Variants in RFTN1 observed in about 807,000 individuals in gnomAD.
The protein encoded by RFTN1 is raftlin, lipid raft linker 1.
A neutral mutation model predicts 46.5 loss-of-function variants in RFTN1; 26 were observed. That is an observed-to-expected ratio of 0.56 (90% CI 0.41 to 0.78). The LOEUF (loss-of-function observed/expected upper bound fraction) is 0.78. Among genes scored for constraint, RFTN1 ranks in the 30% least tolerant of loss-of-function variants. The probability of loss-of-function intolerance (pLI) is 0.00; values close to 1 mark genes in which losing one functional copy is unlikely to be tolerated. For missense variants in RFTN1, 693 were observed against 718.7 expected (o/e 0.96, Z 0.41); for synonymous variants, 261 against 284.2 (o/e 0.92, Z 0.82).
chr3:16,444,738 T>C (rs1233133367), intron 2 of RFTN1, among the ~76,000 whole-genome samples: 1 of 152,268 alleles, frequency 6.6e-6, no homozygotes, highest in East Asian at 1.9e-4. Flanking sequence ...CCACCAAATT[T>C]GTTATTGGTT....
rs1268364896 is a variant in RFTN1, at chr3:16,361,674, G to C, written c.1031-3627C>G. 6.6e-6 allele frequency among the ~76,000 whole-genome samples: 1 copy of C among 152,194 alleles called. No individual in the cohort carries two copies. The highest frequency in any genetic ancestry group is 1.5e-5 in the Non-Finnish European group (1 of 68,034). On this transcript the variant is annotated intron_variant, in intron 6 of 9. Transcript: ENST00000334133. This position sits in a 1 kb window ranked among gnomAD's most constrained non-coding sequence, Gnocchi z 4.3. ...CAGAATCAGGAGAGAAGGTGGTTAA[G>C]ACTAAATTGACTGGTGGGGAGGCCA...
Position 16,320,767 on chromosome 3 carries a change from A to G in RFTN1, c.1332+2609T>C, listed in dbSNP as rs149495138. 3.9e-5 allele frequency among the ~76,000 whole-genome samples: 6 copies of G among 152,206 alleles called. No homozygotes were observed. Among genetic ancestry groups the G allele is most frequent in the Non-Finnish European group, 4.4e-5 (3 of 68,036 alleles). ...AGGCCACAGAGGAGCTGGAGGCCAC[A>G]GAGAATGGGAGGCTGGCAGAGGAGG... On this transcript the variant is annotated intron_variant, in intron 9 of 9. Transcript: ENST00000334133. The surrounding 1 kb of genome is among the most constrained non-coding windows in gnomAD (Gnocchi z 4.5).
Position 16,484,274 on chromosome 3 carries a change from T to G in RFTN1, c.145+9451A>C, listed in dbSNP as rs1233573385. ...AATGATTATCAGCTGCTTCTGTAGT[T>G]GTGTGTCAGACTAACACCCCCCAGA... is the stretch of plus-strand genomic sequence containing the variant. On this transcript the variant is annotated intron_variant, in intron 2 of 9. Coordinates refer to ENST00000334133, the MANE Select transcript of RFTN1 (RefSeq NM_015150.2). This position sits in a 1 kb window ranked among gnomAD's most constrained non-coding sequence, Gnocchi z 4.6. Among the ~76,000 whole-genome samples the G allele has an allele frequency of 6.6e-6, 1 of 152,214 alleles. No homozygotes were observed. The highest frequency in any genetic ancestry group is 1.5e-5 in the Non-Finnish European group (1 of 68,028).
intron 2 of RFTN1, among the ~76,000 whole-genome samples, chr3:16,488,240 T>C (rs919268652): frequency 2.0e-5 from 3 of 152,082 alleles, no homozygotes; most frequent in Admixed American, 1.3e-4. Context: ...GCTGGGATTA[T>C]AGGCATGTGC....
In RFTN1 at chr3:16,483,189, C is replaced by T. The variant is rs1047157332; in HGVS notation, c.145+10536G>A. Among the ~76,000 whole-genome samples, 1 of 152,172 alleles carries T rather than the reference C, an allele frequency of 6.6e-6. No individual in the cohort carries two copies. The highest frequency in any genetic ancestry group is 1.5e-5 in the Non-Finnish European group (1 of 68,034). ...TAATAAATACCTCATTAAGGAAAGG[C>T]AAAACAAACACTTCAGAGTACTTGA... On this transcript the variant is annotated intron_variant, in intron 2 of 9. Transcript: ENST00000334133. This position sits in a 1 kb window ranked among gnomAD's most constrained non-coding sequence, Gnocchi z 4.8.
At chr3:16,492,847 C>T (rs137938175) in intron 2 of RFTN1, among the ~76,000 whole-genome samples, 1 of 152,226 alleles carries the variant, frequency 6.6e-6, no homozygotes, top group Non-Finnish European at 1.5e-5. Context: ...GACTTCCCCC[C>T]CAACACTGGC....
chr3:16,334,080 G>T lies in RFTN1; in HGVS notation c.1147-7204C>A, dbSNP rs1212057512. On this transcript the variant is annotated intron_variant, in intron 7 of 9. Coordinates refer to ENST00000334133, the MANE Select transcript of RFTN1 (RefSeq NM_015150.2). The surrounding 1 kb of genome is among the most constrained non-coding windows in gnomAD (Gnocchi z 4.3). Reference sequence around the variant, plus strand: ...CTTGGGAGGCTGAGGCAGGAGAATGGCTTGAACCTAGGAGGCAGAAGCTGC... The same window carrying T: ...CTTGGGAGGCTGAGGCAGGAGAATGTCTTGAACCTAGGAGGCAGAAGCTGC... 6.6e-6 allele frequency among the ~76,000 whole-genome samples: 1 copy of T among 152,164 alleles called. No individual in the cohort carries two copies. The highest frequency in any genetic ancestry group is 1.5e-5 in the Non-Finnish European group (1 of 68,020).
At chr3:16,472,535 G>C (rs1167375126) in intron 2 of RFTN1, 1 of 152,212 alleles carries the variant, frequency 6.6e-6, no homozygotes, top group Non-Finnish European at 1.5e-5. Flanking sequence ...GAGCCCAAAG[G>C]GGTGCAGGAA....
rs1279611069 is a variant in RFTN1 at position 16,446,679 on chromosome 3, T to C, written c.146-12642A>G. ...AATAATAGGACAAAGACCATGGTTG[T>C]ATACAAGACAGTGACTGGAAATCTC... On this transcript the variant is annotated intron_variant, in intron 2 of 9. Transcript: ENST00000334133. This position sits in a 1 kb window ranked among gnomAD's most constrained non-coding sequence, Gnocchi z 4.5. 2.6e-5 allele frequency among the ~76,000 whole-genome samples: 4 copies of C among 152,160 alleles called. No homozygotes were observed. In the East Asian group the frequency reaches 5.8e-4, roughly 22 times the overall value.
chr3:16,470,230 G>GCA (rs200435969), intron 2 of RFTN1, among the ~76,000 whole-genome samples: 2,751 of 148,850 alleles, frequency 0.018, 52 homozygotes, highest in African/African-American at 0.036. Flanking sequence ...CTGCACACAC[G>GCA]CACACACACA....
chr3:16,439,426 G>A (rs2075579541), intron 2 of RFTN1, among the ~76,000 whole-genome samples: 1 of 152,108 alleles, frequency 6.6e-6, no homozygotes. Flanking sequence ...GTAACCTTGG[G>A]CAAGCTATAT....
rs79497780 is a variant in RFTN1 at position 16,421,676 on chromosome 3, G to T, written c.332+12175C>A. 7.2e-3 allele frequency among the ~76,000 whole-genome samples: 1,095 copies of T among 152,188 alleles called. 10 individuals carry two copies. The highest frequency in any genetic ancestry group is 8.0e-3 in the Non-Finnish European group (546 of 68,010). ...AACATTGGTGTTTTAATCTCATACT[G>T]CGTCCCACAAAGCTCTTATGGGCAG... On this transcript the variant is annotated intron_variant, in intron 3 of 9. Transcript: ENST00000334133. This position sits in a 1 kb window ranked among gnomAD's most constrained non-coding sequence, Gnocchi z 4.6.
rs2076918984 is a variant in RFTN1 at position 16,512,497 on chromosome 3, G to T, written c.-9+945C>A. Among the ~76,000 whole-genome samples, 1 of 151,970 alleles carries T rather than the reference G, an allele frequency of 6.6e-6. No homozygotes were observed. The highest frequency in any genetic ancestry group is 6.5e-5 in the Admixed American group (1 of 15,268). On this transcript the variant is annotated intron_variant, in intron 1 of 9. Coordinates refer to ENST00000334133, the MANE Select transcript of RFTN1 (RefSeq NM_015150.2). The surrounding 1 kb of genome is among the most constrained non-coding windows in gnomAD (Gnocchi z 4.3). ...ACTGACACCACCCAGCGTCCCTAGG[G>T]ATCACCCATAACCACACAGGGCAGC... is the stretch of plus-strand genomic sequence containing the variant.
rs1257000203 is a variant in RFTN1, at chr3:16,512,620, C to G, written c.-9+822G>C. Among the ~76,000 whole-genome samples the G allele has an allele frequency of 9.2e-5, 14 of 152,116 alleles. No individual in the cohort carries two copies. Among genetic ancestry groups the G allele is most frequent in the Admixed American group, 9.2e-4 (14 of 15,284 alleles). On this transcript the variant is annotated intron_variant, in intron 1 of 9. Transcript: ENST00000334133. The surrounding 1 kb of genome is among the most constrained non-coding windows in gnomAD (Gnocchi z 4.3). ...TTCTTGCTGCCAAAGGCAGCGACAC[C>G]GGAGGTGAAGGGCACCAGCCCTGGC...
At chr3:16,493,985 C>A (rs1246865711) in intron 1 of RFTN1, 108 bp from the exon 2 acceptor site, 2 of 1,214,570 alleles carry the variant, frequency 1.6e-6, no homozygotes, top group East Asian at 4.7e-5. Flanking sequence ...ACATGACAGA[C>A]CTCAGCCCTT....
In RFTN1 at chr3:16,473,490, T is replaced by G. The variant is rs1405036654; in HGVS notation, c.145+20235A>C. 6.7e-6 allele frequency among the ~76,000 whole-genome samples: 1 copy of G among 148,304 alleles called. No homozygotes were observed. The highest frequency in any genetic ancestry group is 6.7e-5 in the Admixed American group (1 of 14,960). On this transcript the variant is annotated intron_variant, in intron 2 of 9. Coordinates refer to ENST00000334133, the MANE Select transcript of RFTN1 (RefSeq NM_015150.2). The surrounding 1 kb of genome is among the most constrained non-coding windows in gnomAD (Gnocchi z 5.3). ...ATCTCGGCTCACTGCAATCTCTGCC[T>G]CCTGGGTTCAAGCAATTCTCCTGCC...
chr3:16,405,248 G>C (rs149144843), intron 4 of RFTN1, among the ~76,000 whole-genome samples: 14 of 152,282 alleles, frequency 9.2e-5, no homozygotes, highest in African/African-American at 3.1e-4. Flanking sequence ...AATTCTGGCA[G>C]CACCATCACT....
rs901567010 is a variant in RFTN1 at position 16,374,848 on chromosome 3, C to T, written c.826+2870G>A. Among the ~76,000 whole-genome samples the T allele has an allele frequency of 6.6e-6, 1 of 152,146 alleles. No homozygotes were observed. On this transcript the variant is annotated intron_variant, in intron 5 of 9. Coordinates refer to ENST00000334133, the MANE Select transcript of RFTN1 (RefSeq NM_015150.2). The surrounding 1 kb of genome is among the most constrained non-coding windows in gnomAD (Gnocchi z 5.4). Reference sequence around the variant, plus strand: ...GTCAGCGAGCAGGAAGAGGAACCCACGGCGGGCCTCCCCAAGAACCTGCAG... The same window carrying T: ...GTCAGCGAGCAGGAAGAGGAACCCATGGCGGGCCTCCCCAAGAACCTGCAG...
rs561401662 is a variant in RFTN1 at position 16,507,978 on chromosome 3, T to C, written c.-9+5464A>G. Among the ~76,000 whole-genome samples the C allele has an allele frequency of 1.1e-4, 17 of 152,298 alleles. No homozygotes were observed. Among genetic ancestry groups the C allele is most frequent in the African/African-American group, 4.1e-4 (17 of 41,560 alleles). On this transcript the variant is annotated intron_variant, in intron 1 of 9. Transcript: ENST00000334133. The surrounding 1 kb of genome is among the most constrained non-coding windows in gnomAD (Gnocchi z 7.1). ...TTTCAGGTGTAAACGCCAGAGAAAG[T>C]TGTCAGTGAGGTGCATCTGGCTTCC... is the stretch of plus-strand genomic sequence containing the variant.
Sources: gnomAD v4.1 joint callset for allele counts (sites outside exome capture counted in the v4.1 genomes callset) on GRCh38, gnomAD v4.1.1 for gene constraint, Gnocchi (gnomAD v3.1) non-coding constraint, MANE v1.5 for transcripts, NCBI Gene and HGNC (gene_info 2026-07-23, HGNC 2026-07-21) for gene names.